ITGAV: variants seen among roughly 807,000 people sequenced by gnomAD.
ITGAV encodes the protein integrin alpha-V.
A neutral mutation model predicts 143.8 loss-of-function variants in ITGAV; 76 were observed. That is an observed-to-expected ratio of 0.53 (90% CI 0.44 to 0.64). The LOEUF (loss-of-function observed/expected upper bound fraction) is 0.64. Ranked by LOEUF, ITGAV falls within the 30% of genes least tolerant of loss-of-function variation. ITGAV has a pLI of 0.00. For synonymous variants in ITGAV, 453 were observed against 446.7 expected (o/e 1.01, Z -0.18); for missense variants, 1,193 against 1,274.7 (o/e 0.94, Z 0.98).
At chr2:186,643,824 GAGA>G (rs1574486302) in intron 12 of ITGAV, among the ~76,000 whole-genome samples, 1 of 152,214 alleles carries the variant, frequency 6.6e-6, no homozygotes, top group African/African-American at 2.4e-5. Context: ...ATAGCGAAGA[GAGA>G]AGATGATTAA....
At position 186,679,767 on chromosome 2, in the gene ITGAV, G is replaced by A. The variant is rs1468220264; in HGVS notation, c.*2475G>A. 1 of 151,924 alleles carries A rather than the reference G, an allele frequency of 6.6e-6. No individual in the cohort carries two copies. The allele number at this position is 151,924 out of a possible 1,614,324, so 9.4% of individuals were successfully genotyped here. A position where few individuals can be genotyped will look rare whatever the true frequency, so the allele number is the denominator to read the frequency against. ...GATATTTTGAGAAAAATACATGTGA[G>A]TCATTTTTTCTGTTTCTCTTTTCTC... On this transcript the variant is annotated 3_prime_UTR_variant, in exon 30 of 30. Coordinates refer to ENST00000261023, the MANE Select transcript of ITGAV (RefSeq NM_002210.5).
intron 2 of ITGAV, among the ~76,000 whole-genome samples, chr2:186,607,347 A>G (rs1026979333): frequency 6.6e-6 from 1 of 152,098 alleles, no homozygotes; most frequent in Non-Finnish European, 1.5e-5. Context: ...CATTATTCAC[A>G]TTTTTTTAAA....
At position 186,590,230 on chromosome 2, in the gene ITGAV, CGGCAAGTTT is replaced by C; in HGVS notation, c.-106_-98del. 2.1e-6 allele frequency: 2 copies of C among 940,208 alleles called. No homozygotes were observed. Among genetic ancestry groups the C allele is most frequent in the Non-Finnish European group, 1.4e-6 (1 of 692,154 alleles). 58.2% of individuals were successfully genotyped at this position (940,208 alleles called of 1,614,324 possible). A position where few individuals can be genotyped will look rare whatever the true frequency, so the allele number is the denominator to read the frequency against. On this transcript the variant is annotated 5_prime_UTR_variant, in exon 1 of 30. Coordinates refer to ENST00000261023, the MANE Select transcript of ITGAV (RefSeq NM_002210.5). ...CCGGGCTAGCCGAGAAGAGAGCGGC[CGGCAAGTTT>C]GGGCGCGCGCAGGCGGCGGGCCGCG... is the stretch of plus-strand genomic sequence containing the variant.
chr2:186,592,921 C>G (rs776053108), intron 1 of ITGAV, among the ~76,000 whole-genome samples: 5 of 151,920 alleles, frequency 3.3e-5, no homozygotes, highest in Non-Finnish European at 5.9e-5. Context: ...ACTTACTGAG[C>G]TTTTCAGATT....
chr2:186,646,915 C>T, intron 13 of ITGAV, 38 bp downstream of exon 13: 1 of 1,366,894 alleles, frequency 7.3e-7, no homozygotes, highest in Non-Finnish European at 1.0e-6. Context: ...TTAGATTTTT[C>T]AGTCCTAATA....
chr2:186,664,188 G>C (rs1361482158), intron 19 of ITGAV, among the ~76,000 whole-genome samples: 1 of 152,094 alleles, frequency 6.6e-6, no homozygotes, highest in Admixed American at 6.6e-5. Context: ...ATTATGACAC[G>C]TGATTAATTT....
intron 3 of ITGAV, 30 bp from the exon 4 acceptor site, chr2:186,625,443 T>C (rs1319614008): frequency 4.1e-6 from 6 of 1,449,868 alleles, no homozygotes; most frequent in Non-Finnish European, 5.8e-6. Context: ...TAGAAAATCT[T>C]CGTGTCGTGG....
intron 2 of ITGAV, among the ~76,000 whole-genome samples, chr2:186,611,390 AT>A (rs1250500618): frequency 6.6e-6 from 1 of 151,720 alleles, no homozygotes; most frequent in Admixed American, 6.6e-5. Flanking sequence ...ATTATTTGTT[AT>A]TTTTTTCTTT....
chr2:186,590,489 T>C lies in ITGAV; in HGVS notation c.151T>C (p.Phe51Leu), dbSNP rs773536151. 10 of 1,611,072 alleles carry C rather than the reference T, an allele frequency of 6.2e-6. No individual in the cohort carries two copies. Among genetic ancestry groups the C allele is most frequent in the Non-Finnish European group, 8.5e-6 (10 of 1,179,040 alleles). Residue 51 changes from phenylalanine to leucine, a missense_variant, in exon 1 of 30, where the codon TTC becomes CTC. Physicochemically the swap from Phe to Leu is conservative, Grantham distance 22. Transcript: ENST00000261023. ...TGGCCCCGAGGGAAGTTACTTCGGC[T>C]TCGCCGTGGATTTCTTCGTGCCCAG... ...YSGPEGSYFG[F>L]AVDFFVPSAS... is the part of the protein sequence containing the mutation.
chr2:186,672,050 C>T (rs1293332119), intron 26 of ITGAV, among the ~76,000 whole-genome samples: 2 of 150,072 alleles, frequency 1.3e-5, no homozygotes, highest in Non-Finnish European at 3.0e-5. Context: ...CTCCCGGGTT[C>T]ACGCCATTCT....
rs1689262924 is a variant in ITGAV, at chr2:186,678,111, C to T, written c.*819C>T. ...ATGGAGTTGGAAATTATTTCCAAAG[C>T]ATATTTATTCCATTGTTTTAGTCTG... On this transcript the variant is annotated 3_prime_UTR_variant, in exon 30 of 30. Coordinates refer to ENST00000261023, the MANE Select transcript of ITGAV (RefSeq NM_002210.5). The T allele has an allele frequency of 6.6e-6, 1 of 151,862 alleles. No homozygotes were observed. The highest frequency in any genetic ancestry group is 2.1e-4 in the South Asian group (1 of 4,828). The allele number at this position is 151,862 out of a possible 1,614,324, so 9.4% of individuals were successfully genotyped here.
chr2:186,661,056 C>T (rs1688729711), intron 18 of ITGAV, among the ~76,000 whole-genome samples: 1 of 152,150 alleles, frequency 6.6e-6, no homozygotes, highest in African/African-American at 2.4e-5. Context: ...TCAACTTATA[C>T]ATTTTGGGGG....
Position 186,595,357 on chromosome 2 carries a change from C to T in ITGAV, c.185+4834C>T, listed in dbSNP as rs189931911. ...TGCCCCTCCTTGGTTGTCAAGGTCA[C>T]ATTCCGTGAATCAACTGCCCTTCAA... On this transcript the variant is annotated intron_variant, in intron 1 of 29. Transcript: ENST00000261023. 1.8e-3 allele frequency among the ~76,000 whole-genome samples: 268 copies of T among 152,342 alleles called. 1 individual carries two copies. Among genetic ancestry groups the T allele is most frequent in the African/African-American group, 6.2e-3 (256 of 41,580 alleles).
At chr2:186,624,881 T>G (rs1259773290) in intron 3 of ITGAV, among the ~76,000 whole-genome samples, 3 of 152,096 alleles carry the variant, frequency 2.0e-5, no homozygotes, top group Non-Finnish European at 4.4e-5. Context: ...GCTAGTTTGG[T>G]CTCTACCTTT....
chr2:186,649,366 C>T lies in ITGAV; in HGVS notation c.1352-474C>T, dbSNP rs561285227. Among the ~76,000 whole-genome samples, 49 of 151,518 alleles carry T rather than the reference C, an allele frequency of 3.2e-4. 1 individual carries two copies. The highest frequency in any genetic ancestry group is 1.2e-3 in the Admixed American group (18 of 15,236). ...AGCTCTCATTTGACTTTTTCTGAAT[C>T]GTGAACCAGTTGAACCTGTGGCATA... is the stretch of plus-strand genomic sequence containing the variant. On this transcript the variant is annotated intron_variant, in intron 13 of 29. Coordinates refer to ENST00000261023, the MANE Select transcript of ITGAV (RefSeq NM_002210.5).
chr2:186,629,389 G>A (rs560983270), intron 4 of ITGAV, among the ~76,000 whole-genome samples: 1 of 152,030 alleles, frequency 6.6e-6, no homozygotes, highest in African/African-American at 2.4e-5. Context: ...GCTTGAAATA[G>A]TTCCCCAGAT....
intron 16 of ITGAV, 28 bp downstream of exon 16, chr2:186,654,736 T>A: frequency 9.8e-7 from 1 of 1,017,298 alleles, no homozygotes; most frequent in Non-Finnish European, 1.5e-6. Context: ...AATCATATTA[T>A]TTTAATGATA....
chr2:186,641,519 T>A lies in ITGAV; in HGVS notation c.1090T>A (p.Phe364Ile). Residue 364 changes from phenylalanine (F) to isoleucine (I), a missense_variant, in exon 12 of 30, where the codon TTT (phenylalanine) becomes ATT (isoleucine). Coordinates refer to ENST00000261023, the MANE Select transcript of ITGAV (RefSeq NM_002210.5). ...GDFQTTKLNG[F>I]EVFARFGSAI... is the part of the protein sequence containing the mutation. The stretch of plus-strand genomic sequence containing the variant: ...CTTCCAGACGACAAAGCTGAATGGA[T>A]TTGAGGTCTTTGCACGGTTTGGCAG... The A allele has an allele frequency of 2.5e-6, 4 of 1,614,140 alleles. No individual in the cohort carries two copies. The highest frequency in any genetic ancestry group is 1.3e-5 in the African/African-American group (1 of 75,020).
At chr2:186,636,949 A>T in intron 7 of ITGAV, 116 bp from the exon 8 acceptor site, 1 of 813,520 alleles carries the variant, frequency 1.2e-6, no homozygotes, top group East Asian at 2.5e-5. Flanking sequence ...TAGGGGACAA[A>T]ATATTGCATA....
Sources: gnomAD v4.1 joint callset for allele counts (sites outside exome capture counted in the v4.1 genomes callset) on GRCh38, gnomAD v4.1.1 for gene constraint, MANE v1.5 for transcripts, NCBI Gene and HGNC (gene_info 2026-07-23, HGNC 2026-07-21) for gene names.